The following PTCHD4 variants were observed in gnomAD, a reference collection of about 807,000 sequenced individuals.
PTCHD4 encodes patched domain-containing protein 4.
A neutral mutation model predicts 58.1 loss-of-function variants in PTCHD4; 33 were observed. That is an observed-to-expected ratio of 0.57 (90% CI 0.43 to 0.76). PTCHD4 has a LOEUF of 0.76. Ranked by LOEUF, PTCHD4 falls within the 30% of genes least tolerant of loss-of-function variation. PTCHD4 has a pLI of 0.00. For synonymous variants in PTCHD4, 478 were observed against 409.6 expected, an observed-to-expected ratio of 1.17 and a Z score of -2.02; for missense variants, 1,058 against 1,027.1, an observed-to-expected ratio of 1.03 and a Z score of -0.41.
rs1661522102 is a variant in PTCHD4, at chr6:47,869,333, G to C, written c.*8970C>G. On this transcript the variant is annotated 3_prime_UTR_variant, in exon 5 of 5. Transcript: ENST00000339488. ...TCTGGGTACTACTGAGGAGCCGCTGGCTCACTCATTGTCTCCATCTTCTGC... is the reference window on the plus strand; with the variant it reads ...TCTGGGTACTACTGAGGAGCCGCTGCCTCACTCATTGTCTCCATCTTCTGC... Among the ~76,000 whole-genome samples, 1 of 151,686 alleles carries C rather than the reference G, an allele frequency of 6.6e-6. No homozygotes were observed. Among genetic ancestry groups the C allele is most frequent in the South Asian group, 2.1e-4 (1 of 4,822 alleles).
In PTCHD4 at chr6:47,871,205, C is replaced by T. The variant is rs1024675059; in HGVS notation, c.*7098G>A. ...TTCTTTTCACTGATGCTAATGTTTC[C>T]GTAAGTGACTTGTGTTTTAAAAACC... is the stretch of plus-strand genomic sequence containing the variant. On this transcript the variant is annotated 3_prime_UTR_variant, in exon 5 of 5. Transcript: ENST00000339488. 6.6e-6 allele frequency among the ~76,000 whole-genome samples: 1 copy of T among 151,462 alleles called. No individual in the cohort carries two copies. The highest frequency in any genetic ancestry group is 1.5e-5 in the Non-Finnish European group (1 of 67,670).
chr6:48,013,970 C>G (rs1469127697), intron 3 of PTCHD4, among the ~76,000 whole-genome samples: 1 of 152,042 alleles, frequency 6.6e-6, no homozygotes, highest in African/African-American at 2.4e-5. Context: ...TTTTAAACAA[C>G]AGATCTTCAT....
chr6:48,107,026 C>T (rs1212268519), intron 1 of PTCHD4, among the ~76,000 whole-genome samples: 1 of 152,080 alleles, frequency 6.6e-6, no homozygotes, highest in Non-Finnish European at 1.5e-5. Flanking sequence ...CCATACTGCC[C>T]AAGGTAATTT....
intron 4 of PTCHD4, among the ~76,000 whole-genome samples, chr6:47,928,821 A>G (rs1344353381): frequency 6.6e-6 from 1 of 152,188 alleles, no homozygotes; most frequent in Non-Finnish European, 1.5e-5. Flanking sequence ...ATGATACTCA[A>G]TAAATGTGTT....
rs780928530 is a variant in PTCHD4 at position 47,866,011 on chromosome 6, C to G, written c.*12292G>C. ...CAGTCTGGTCCCGTCACATGGGGTG[C>G]TCAGGCCAATAATCTTACCTCATCT... On this transcript the variant is annotated 3_prime_UTR_variant, in exon 5 of 5. Coordinates refer to ENST00000339488, the MANE Select transcript of PTCHD4 (RefSeq NM_001384253.1). Among the ~76,000 whole-genome samples, 1 of 151,230 alleles carries G rather than the reference C, an allele frequency of 6.6e-6. No homozygotes were observed. Among genetic ancestry groups the G allele is most frequent in the Non-Finnish European group, 1.5e-5 (1 of 67,612 alleles).
At chr6:47,956,560 A>C (rs888401242) in intron 4 of PTCHD4, among the ~76,000 whole-genome samples, 2 of 151,932 alleles carry the variant, frequency 1.3e-5, no homozygotes, top group South Asian at 4.1e-4. Context: ...CAGCCTCCCA[A>C]GTAGCTGGGA....
At position 47,862,535 on chromosome 6, in the gene PTCHD4, AT is replaced by A. The variant is rs1763454438; in HGVS notation, c.*15767del. 6.6e-6 allele frequency among the ~76,000 whole-genome samples: 1 copy of A among 151,496 alleles called. No individual in the cohort carries two copies. Among genetic ancestry groups the A allele is most frequent in the Non-Finnish European group, 1.5e-5 (1 of 67,724 alleles). Reference sequence around the variant, plus strand: ...GCCATTTGTCAATTTTTTTCTTCATATTTTACTATTTATGGTCTAGTTTAAC... The same window carrying A: ...GCCATTTGTCAATTTTTTTCTTCATATTTACTATTTATGGTCTAGTTTAAC... On this transcript the variant is annotated 3_prime_UTR_variant, in exon 5 of 5. Coordinates refer to ENST00000339488, the MANE Select transcript of PTCHD4 (RefSeq NM_001384253.1).
intron 1 of PTCHD4, among the ~76,000 whole-genome samples, chr6:48,098,817 T>A (rs1289782747): frequency 6.6e-6 from 1 of 152,142 alleles, no homozygotes; most frequent in Non-Finnish European, 1.5e-5. Context: ...AAAAGGAGAT[T>A]CAAATAATGG....
At chr6:47,957,755 C>T (rs1377456004) in intron 4 of PTCHD4, among the ~76,000 whole-genome samples, 3 of 151,704 alleles carry the variant, frequency 2.0e-5, no homozygotes, top group Admixed American at 6.6e-5. Context: ...TGCCCACCAC[C>T]ATGCCCGGCT....
chr6:48,012,650 C>T (rs186239533), intron 3 of PTCHD4, among the ~76,000 whole-genome samples: 2 of 152,260 alleles, frequency 1.3e-5, no homozygotes, highest in Admixed American at 6.5e-5. Context: ...TTATTTTGTG[C>T]CAGTTTTCAA....
At chr6:48,011,794 T>C (rs1205277018) in intron 3 of PTCHD4, among the ~76,000 whole-genome samples, 1 of 152,232 alleles carries the variant, frequency 6.6e-6, no homozygotes, top group African/African-American at 2.4e-5. Flanking sequence ...TGCATATGGC[T>C]AGCCAGTTTT....
intron 4 of PTCHD4, among the ~76,000 whole-genome samples, chr6:47,981,474 C>CCT (rs960236204): frequency 6.6e-6 from 1 of 151,800 alleles, no homozygotes; most frequent in Admixed American, 6.6e-5. Flanking sequence ...TTTTGTAACC[C>CCT]CTAGAGGCGT....
chr6:47,976,388 C>T (rs1014919646), intron 4 of PTCHD4, among the ~76,000 whole-genome samples: 1 of 152,130 alleles, frequency 6.6e-6, no homozygotes. Context: ...GGCGCTGTGG[C>T]TCATGCCTGT....
At chr6:48,085,362 C>G (rs1765243168) in intron 1 of PTCHD4, among the ~76,000 whole-genome samples, 1 of 152,042 alleles carries the variant, frequency 6.6e-6, no homozygotes, top group Admixed American at 6.5e-5. Context: ...TTAGTGTTTT[C>G]TTGGCTTTTT....
chr6:47,860,720 T>C lies in PTCHD4; in HGVS notation c.*17583A>G, dbSNP rs974389253. The stretch of plus-strand genomic sequence containing the variant: ...TAGTGGAGCAGAAATTATAAACATT[T>C]GAGAGACATAGGTAGAGGGTTAAAA... On this transcript the variant is annotated 3_prime_UTR_variant, in exon 5 of 5. Coordinates refer to ENST00000339488, the MANE Select transcript of PTCHD4 (RefSeq NM_001384253.1). Among the ~76,000 whole-genome samples, 1 of 151,976 alleles carries C rather than the reference T, an allele frequency of 6.6e-6. No individual in the cohort carries two copies. The highest frequency in any genetic ancestry group is 2.4e-5 in the African/African-American group (1 of 41,426).
chr6:47,992,886 T>C lies in PTCHD4; in HGVS notation c.898+15748A>G, dbSNP rs1301253150. 3.3e-5 allele frequency among the ~76,000 whole-genome samples: 5 copies of C among 151,954 alleles called. No individual in the cohort carries two copies. In the East Asian group the frequency reaches 9.7e-4, roughly 29 times the overall value. ...GAAAGATGTATGTCAACCTTGAAAATGAAAAATGAATAGCATTGTATGAGA... is the reference window on the plus strand; with the variant it reads ...GAAAGATGTATGTCAACCTTGAAAACGAAAAATGAATAGCATTGTATGAGA... On this transcript the variant is annotated intron_variant, in intron 4 of 4. Transcript: ENST00000339488.
chr6:48,067,857 G>A (rs752637969), intron 3 of PTCHD4, among the ~76,000 whole-genome samples: 4 of 150,926 alleles, frequency 2.7e-5, no homozygotes, highest in Non-Finnish European at 4.4e-5. Context: ...GTTTTGTTTG[G>A]CCTTGAATTT....
intron 4 of PTCHD4, among the ~76,000 whole-genome samples, chr6:47,885,476 C>A (rs1197616134): frequency 1.3e-5 from 2 of 152,070 alleles, no homozygotes; most frequent in Non-Finnish European, 2.9e-5. Context: ...CATGAAGGTT[C>A]TTCATGGTCA....
chr6:47,985,465 G>T (rs950552668), intron 4 of PTCHD4, among the ~76,000 whole-genome samples: 9 of 151,932 alleles, frequency 5.9e-5, no homozygotes, highest in Non-Finnish European at 1.2e-4. Context: ...CATTTATATA[G>T]ACTTAAAATA....
Sources: allele counts gnomAD v4.1 joint callset (sites outside exome capture counted in the v4.1 genomes callset), GRCh38; gene constraint gnomAD v4.1.1; transcripts MANE v1.5; gene names NCBI Gene and HGNC (gene_info 2026-07-23, HGNC 2026-07-21).